Variants in UBE2G2 observed in about 807,000 individuals in gnomAD.
UBE2G2 encodes ubiquitin conjugating enzyme E2 G2.
UBE2G2 carries 10 observed loss-of-function variants against 23.0 expected under a neutral mutation model. The ratio of observed to expected loss-of-function variants is 0.43; its 90% CI spans 0.27 to 0.74. The LOEUF (loss-of-function observed/expected upper bound fraction) is 0.74, where lower values mean the gene tolerates loss of function less well. Among genes scored for constraint, UBE2G2 ranks in the 30% least tolerant of loss-of-function variants. The pLI, the probability that UBE2G2 is intolerant of heterozygous loss-of-function variation, is 0.19. For synonymous variants in UBE2G2, 86 were observed against 81.3 expected, an observed-to-expected ratio of 1.06 and a Z score of -0.31; for missense variants, 150 against 218.3, an observed-to-expected ratio of 0.69 and a Z score of 1.97.
chr21:44,773,310 A>G (rs1437269635), intron 5 of UBE2G2, among the ~76,000 whole-genome samples: 1 of 152,214 alleles, frequency 6.6e-6, no homozygotes, highest in African/African-American at 2.4e-5. Flanking sequence ...GAAAAAGACG[A>G]TCAAGGACCA....
Position 44,788,457 on chromosome 21 carries a change from T to C in UBE2G2, c.44-362A>G, listed in dbSNP as rs544282723. On this transcript the variant is annotated intron_variant, in intron 1 of 5. Coordinates refer to ENST00000345496, the MANE Select transcript of UBE2G2 (RefSeq NM_003343.6). Reference sequence around the variant, plus strand: ...GGCGCCCACCACCACGCCCAGCTAATTTTTTGTATTTTTAGTAGAGACGGG... The same window carrying C: ...GGCGCCCACCACCACGCCCAGCTAACTTTTTGTATTTTTAGTAGAGACGGG... 2.6e-5 allele frequency among the ~76,000 whole-genome samples: 4 copies of C among 151,900 alleles called. No individual in the cohort carries two copies. In the East Asian group the frequency reaches 5.8e-4, roughly 22 times the overall value.
intron 5 of UBE2G2, among the ~76,000 whole-genome samples, chr21:44,773,041 A>C (rs944132278): frequency 6.6e-6 from 1 of 152,020 alleles, no homozygotes; most frequent in Admixed American, 6.5e-5. Context: ...CCTTTGCCCC[A>C]AAACCCCATT....
At chr21:44,773,518 CA>C (rs2082889576) in intron 5 of UBE2G2, 28 bp downstream of exon 5, 1 of 1,599,114 alleles carries the variant, frequency 6.3e-7, no homozygotes, top group Non-Finnish European at 8.5e-7. Flanking sequence ...GTGTCCACGG[CA>C]GCTCCTGCCA....
At chr21:44,800,124 G>C (rs1569303618) in intron 1 of UBE2G2, 3 of 152,194 alleles carry the variant, frequency 2.0e-5, no homozygotes, top group Non-Finnish European at 1.5e-5. Flanking sequence ...GTAAGAGAGA[G>C]ACACGAAGCG....
In UBE2G2 at chr21:44,771,920, A is replaced by G. The variant is rs2082877825; in HGVS notation, c.386-431T>C. Among the ~76,000 whole-genome samples the G allele has an allele frequency of 6.6e-6, 1 of 151,910 alleles. No homozygotes were observed. Among genetic ancestry groups the G allele is most frequent in the Non-Finnish European group, 1.5e-5 (1 of 67,964 alleles). On this transcript the variant is annotated intron_variant, in intron 5 of 5. Coordinates refer to ENST00000345496, the MANE Select transcript of UBE2G2 (RefSeq NM_003343.6). This position sits in a 1 kb window ranked among gnomAD's most constrained non-coding sequence, Gnocchi z 4.6. ...TCTCACAGAGCGCCCTCTCAGCAAA[A>G]CTGCCCCTCACAGCTCCTACCAAGA...
At chr21:44,773,717 C>T (rs1323308948) in intron 4 of UBE2G2, 30 bp from the exon 5 acceptor site, 1 of 1,605,388 alleles carries the variant, frequency 6.2e-7, no homozygotes, top group East Asian at 2.2e-5. Flanking sequence ...CCAAGTGAGC[C>T]CAGGAATGGT....
rs1555962867 is a variant in UBE2G2, at chr21:44,790,929, CT to C, written c.44-2835del. 2.0e-5 allele frequency among the ~76,000 whole-genome samples: 3 copies of C among 152,282 alleles called. No homozygotes were observed. In the East Asian group the frequency reaches 5.8e-4, roughly 29 times the overall value. ...AAGATGTGGGAAAGTCTGGAACTTC[CT>C]AGAGACTTGCTGAATGCTTTTGACC... On this transcript the variant is annotated intron_variant, in intron 1 of 5. Coordinates refer to ENST00000345496, the MANE Select transcript of UBE2G2 (RefSeq NM_003343.6).
At chr21:44,794,837 AACT>A (rs1298886041) in intron 1 of UBE2G2, among the ~76,000 whole-genome samples, 2 of 152,140 alleles carry the variant, frequency 1.3e-5, no homozygotes, top group Non-Finnish European at 2.9e-5. Flanking sequence ...CCAGCCAAAG[AACT>A]AAAACTTAAG....
At chr21:44,801,221 G>A in intron 1 of UBE2G2, 1 of 647,666 alleles carries the variant, frequency 1.5e-6, no homozygotes, top group African/African-American at 2.0e-5. Flanking sequence ...TACCTAGGAG[G>A]AGTGACAGGT....
intron 3 of UBE2G2, among the ~76,000 whole-genome samples, chr21:44,780,761 T>G (rs1024598630): frequency 6.6e-6 from 1 of 152,274 alleles, no homozygotes; most frequent in African/African-American, 2.4e-5. Flanking sequence ...TCCAGAGTTG[T>G]GACCATTCCT....
intron 1 of UBE2G2, among the ~76,000 whole-genome samples, chr21:44,793,349 G>T (rs2083060275): frequency 6.6e-6 from 1 of 152,138 alleles, no homozygotes; most frequent in Non-Finnish European, 1.5e-5. Flanking sequence ...TTCCCCTTTG[G>T]CACTCCCCTG....
At chr21:44,799,987 T>A (rs1285012157) in intron 1 of UBE2G2, 1 of 152,244 alleles carries the variant, frequency 6.6e-6, no homozygotes, top group Non-Finnish European at 1.5e-5. Flanking sequence ...AAACAGCCAG[T>A]CAGTGAAGCA....
At position 44,782,972 on chromosome 21, in the gene UBE2G2, T is replaced by C. The variant is rs183181957; in HGVS notation, c.125+4948A>G. ...AACTTTTTAGTTTCAAAAGACTCTATTAAGAAAACAAAATGGAGAGTTGCA... is the reference window on the plus strand; with the variant it reads ...AACTTTTTAGTTTCAAAAGACTCTACTAAGAAAACAAAATGGAGAGTTGCA... On this transcript the variant is annotated intron_variant, in intron 3 of 5. Coordinates refer to ENST00000345496, the MANE Select transcript of UBE2G2 (RefSeq NM_003343.6). Among the ~76,000 whole-genome samples the C allele has an allele frequency of 2.0e-3, 308 of 152,306 alleles. 2 individuals carry two copies. Among genetic ancestry groups the C allele is most frequent in the African/African-American group, 7.2e-3 (301 of 41,554 alleles).
chr21:44,781,565 A>G (rs2082956717), intron 3 of UBE2G2, among the ~76,000 whole-genome samples: 1 of 152,170 alleles, frequency 6.6e-6, no homozygotes, highest in Non-Finnish European at 1.5e-5. Context: ...AACTGATCCC[A>G]ATACCCTCGT....
At chr21:44,797,319 T>C (rs1555963980) in intron 1 of UBE2G2, among the ~76,000 whole-genome samples, 3 of 152,264 alleles carry the variant, frequency 2.0e-5, no homozygotes. Flanking sequence ...TCTTTGCTAA[T>C]GCAAATATCC....
chr21:44,792,025 T>A (rs971122336), intron 1 of UBE2G2, among the ~76,000 whole-genome samples: 1 of 152,234 alleles, frequency 6.6e-6, no homozygotes, highest in East Asian at 1.9e-4. Flanking sequence ...CGGACTTGCA[T>A]GGGGGCCTGT....
intron 3 of UBE2G2, among the ~76,000 whole-genome samples, chr21:44,781,353 C>T (rs953099429): frequency 6.6e-6 from 1 of 152,164 alleles, no homozygotes; most frequent in Non-Finnish European, 1.5e-5. Context: ...AGCTTGGGTG[C>T]GTCTCCTTCC....
rs185918149 is a variant in UBE2G2, at chr21:44,782,318, G to T, written c.126-4901C>A. On this transcript the variant is annotated intron_variant, in intron 3 of 5. Transcript: ENST00000345496. ...GAATTTTAAAACACCTAAATAAATG[G>T]AGAGACAGTCCATGTTCATGGATTA... is the stretch of plus-strand genomic sequence containing the variant. Among the ~76,000 whole-genome samples, 21 of 152,232 alleles carry T rather than the reference G, an allele frequency of 1.4e-4. No individual in the cohort carries two copies. The East Asian group carries it at 3.9e-3, about 28-fold the overall frequency.
At chr21:44,785,464 C>T (rs1466235772) in intron 3 of UBE2G2, among the ~76,000 whole-genome samples, 1 of 152,200 alleles carries the variant, frequency 6.6e-6, no homozygotes, top group African/African-American at 2.4e-5. Flanking sequence ...GACAAGGGCC[C>T]TAACATATCA....
Sources: allele counts gnomAD v4.1 joint callset (sites outside exome capture counted in the v4.1 genomes callset), GRCh38; gene constraint gnomAD v4.1.1; non-coding constraint Gnocchi (gnomAD v3.1); transcripts MANE v1.5; gene names NCBI Gene and HGNC (gene_info 2026-07-23, HGNC 2026-07-21).